The following BANK1 variants were observed in gnomAD, a reference collection of about 807,000 sequenced individuals.
BANK1 encodes the protein B cell scaffold protein with ankyrin repeats 1.
In BANK1, 95 loss-of-function variants were observed where a neutral mutation model predicts 94.5. The ratio of observed to expected loss-of-function variants is 1.00; its 90% CI spans 0.85 to 1.19. BANK1 has a LOEUF of 1.19. BANK1 is among the 50% of genes most tolerant of loss of function. BANK1 has a pLI of 0.00. For synonymous variants in BANK1, 334 were observed against 308.4 expected, an observed-to-expected ratio of 1.08 and a Z score of -0.87; for missense variants, 987 against 932.2, an observed-to-expected ratio of 1.06 and a Z score of -0.77.
intron 7 of BANK1, among the ~76,000 whole-genome samples, chr4:101,967,814 G>T (rs769413015): frequency 2.0e-5 from 3 of 152,032 alleles, no homozygotes; most frequent in Non-Finnish European, 2.9e-5. Context: ...AAGAAGAAGA[G>T]TATTAGAAGA....
chr4:101,822,377 A>G (rs1468495822), intron 1 of BANK1, among the ~76,000 whole-genome samples: 2 of 152,062 alleles, frequency 1.3e-5, no homozygotes, highest in East Asian at 1.9e-4. Flanking sequence ...AGAAAAAAAA[A>G]AGGCACTTAA....
At chr4:101,894,086 C>G (rs1306834697) in intron 5 of BANK1, among the ~76,000 whole-genome samples, 1 of 151,976 alleles carries the variant, frequency 6.6e-6, no homozygotes, top group Non-Finnish European at 1.5e-5. Context: ...GTTCTTTCTT[C>G]GTGCAATTGA....
intron 2 of BANK1, among the ~76,000 whole-genome samples, chr4:101,842,850 C>T (rs1253154250): frequency 6.6e-6 from 1 of 152,206 alleles, no homozygotes; most frequent in African/African-American, 2.4e-5. Context: ...CTTTTATTTG[C>T]ACCTCTGCAT....
At chr4:101,879,053 A>G (rs1254571341) in intron 5 of BANK1, among the ~76,000 whole-genome samples, 2 of 152,070 alleles carry the variant, frequency 1.3e-5, no homozygotes, top group African/African-American at 2.4e-5. Flanking sequence ...AAGAACTAGA[A>G]AAGCAAGAAC....
At chr4:101,816,638 G>A (rs777133348) in intron 1 of BANK1, among the ~76,000 whole-genome samples, 14 of 151,812 alleles carry the variant, frequency 9.2e-5, no homozygotes, top group Admixed American at 2.6e-4. Context: ...GTGGTAAAGC[G>A]GTAAGATTTG....
chr4:101,932,445 T>G (rs10031172), intron 7 of BANK1, among the ~76,000 whole-genome samples: 68,090 of 151,236 alleles, frequency 0.45, 15,512 homozygotes, highest in South Asian at 0.54. Flanking sequence ...TTCACCTTAG[T>G]TGTCCTGTTG....
chr4:102,019,533 A>G (rs1055959487), intron 7 of BANK1, among the ~76,000 whole-genome samples: 5 of 152,192 alleles, frequency 3.3e-5, no homozygotes, highest in Non-Finnish European at 7.4e-5. Context: ...TGTCTGGCCT[A>G]ATGTCACACA....
intron 7 of BANK1, among the ~76,000 whole-genome samples, chr4:102,007,427 C>T (rs1726343957): frequency 6.6e-6 from 1 of 151,268 alleles, no homozygotes; most frequent in Non-Finnish European, 1.5e-5. Context: ...AGTTTAAATT[C>T]TTTGGCCGTT....
rs184592082 is a variant in BANK1, at chr4:101,926,978, T to C, written c.1206+8789T>C. Among the ~76,000 whole-genome samples the C allele has an allele frequency of 4.0e-3, 600 of 151,884 alleles. 1 individual carries two copies. The highest frequency in any genetic ancestry group is 6.9e-3 in the Non-Finnish European group (465 of 67,800). On this transcript the variant is annotated intron_variant, in intron 7 of 16. Transcript: ENST00000322953. ...TCAGAAAGATAAGTAAGGCCGGATC[T>C]GTAGGGCTGTATAGGTAATGATGAG...
At chr4:101,818,847 T>C (rs924201976) in intron 1 of BANK1, among the ~76,000 whole-genome samples, 4 of 151,166 alleles carry the variant, frequency 2.6e-5, no homozygotes, top group Admixed American at 1.3e-4. Context: ...GAAGGTATTC[T>C]CCACGAATAA....
intron 6 of BANK1, among the ~76,000 whole-genome samples, chr4:101,898,523 G>A (rs1296647742): frequency 2.0e-5 from 3 of 151,914 alleles, no homozygotes; most frequent in African/African-American, 7.2e-5. Context: ...TGTTAGCTAT[G>A]GGAAATTGAG....
rs1156608207 is a variant in BANK1 at position 101,883,543 on chromosome 4, A to AT, written c.904-11756dup. On this transcript the variant is annotated intron_variant, in intron 5 of 16. Coordinates refer to ENST00000322953, the MANE Select transcript of BANK1 (RefSeq NM_017935.5). ...CACTCAGTGGCAATGAATACTCTTC[A>AT]TTTTTTATTTATCCCAAACTAAAGC... Among the ~76,000 whole-genome samples the AT allele has an allele frequency of 3.9e-5, 6 of 152,236 alleles. No homozygotes were observed. The East Asian group carries it at 1.2e-3, about 29-fold the overall frequency.
chr4:101,921,798 T>G (rs1225364547), intron 7 of BANK1, among the ~76,000 whole-genome samples: 1 of 151,938 alleles, frequency 6.6e-6, no homozygotes, highest in Non-Finnish European at 1.5e-5. Flanking sequence ...ATTTTCTTCA[T>G]GAATATAATA....
intron 1 of BANK1, among the ~76,000 whole-genome samples, chr4:101,793,965 T>C (rs980491915): frequency 1.7e-4 from 26 of 151,982 alleles, no homozygotes; most frequent in African/African-American, 6.3e-4. Flanking sequence ...ACTTGATGGG[T>C]GAAGGAATCA....
chr4:101,936,562 A>G (rs1723568158), intron 7 of BANK1, among the ~76,000 whole-genome samples: 1 of 150,758 alleles, frequency 6.6e-6, no homozygotes, highest in South Asian at 2.1e-4. Context: ...ACATATATGT[A>G]TATGTATACG....
At chr4:101,907,250 A>G (rs908803776) in intron 6 of BANK1, among the ~76,000 whole-genome samples, 4 of 152,200 alleles carry the variant, frequency 2.6e-5, no homozygotes, top group African/African-American at 2.4e-5. Flanking sequence ...CTGGTTCAAC[A>G]TATGCAAGTC....
At chr4:101,838,777 T>C (rs928535205) in intron 2 of BANK1, among the ~76,000 whole-genome samples, 9 of 152,228 alleles carry the variant, frequency 5.9e-5, no homozygotes, top group African/African-American at 2.2e-4. Flanking sequence ...TTGAACATGC[T>C]CTCCCTTAGC....
intron 7 of BANK1, among the ~76,000 whole-genome samples, chr4:101,988,610 G>C (rs1230963410): frequency 6.6e-6 from 1 of 152,100 alleles, no homozygotes; most frequent in East Asian, 1.9e-4. Context: ...TCACTATAGA[G>C]GTTACAGATA....
At chr4:101,993,206 G>A (rs1560672653) in intron 7 of BANK1, among the ~76,000 whole-genome samples, 1 of 152,152 alleles carries the variant, frequency 6.6e-6, no homozygotes, top group South Asian at 2.1e-4. Context: ...ATGTCTGCAT[G>A]CTCTAGTTTT....
Sources: allele counts gnomAD v4.1 joint callset (sites outside exome capture counted in the v4.1 genomes callset), GRCh38; gene constraint gnomAD v4.1.1; transcripts MANE v1.5; gene names NCBI Gene and HGNC (gene_info 2026-07-23, HGNC 2026-07-21).